MAGI2: variants seen among roughly 807,000 people sequenced by gnomAD.
MAGI2 encodes the protein membrane associated guanylate kinase, WW and PDZ domain containing 2.
MAGI2 carries 35 observed loss-of-function variants against 133.3 expected under a neutral mutation model. That is an observed-to-expected ratio of 0.26 (90% CI 0.20 to 0.35). The LOEUF is 0.35. MAGI2 is among the 10% of genes least tolerant of loss of function. The pLI is 1.00. For missense variants in MAGI2, 1,636 were observed against 1,863.4 expected (o/e 0.88, Z 2.25); for synonymous variants, 729 against 710.6 (o/e 1.03, Z -0.41).
intron 9 of MAGI2, among the ~76,000 whole-genome samples, chr7:78,341,276 G>C (rs1179068444): frequency 6.6e-6 from 1 of 152,116 alleles, no homozygotes. Flanking sequence ...CCTCTTCAGG[G>C]AGAACTATAA....
chr7:78,039,664 C>T (rs1045877365), intron 21 of MAGI2: 1 of 152,112 alleles, frequency 6.6e-6, no homozygotes, highest in Non-Finnish European at 1.5e-5. Context: ...ATTTTAGAGG[C>T]GGTTCTGTTG....
intron 2 of MAGI2, among the ~76,000 whole-genome samples, chr7:78,941,900 T>C (rs909845944): frequency 2.0e-5 from 3 of 152,080 alleles, no homozygotes; most frequent in African/African-American, 4.8e-5. Flanking sequence ...TCAAGCCTTA[T>C]CTTGGCATAA....
intron 1 of MAGI2, among the ~76,000 whole-genome samples, chr7:79,291,488 T>A (rs1836482003): frequency 6.6e-6 from 1 of 152,188 alleles, no homozygotes; most frequent in African/African-American, 2.4e-5. Context: ...GAGGAAATGC[T>A]AAACTGTTTT....
chr7:78,313,954 GAC>G (rs893854795), intron 9 of MAGI2, among the ~76,000 whole-genome samples: 1 of 152,072 alleles, frequency 6.6e-6, no homozygotes, highest in African/African-American at 2.4e-5. Context: ...TTAAAATGGA[GAC>G]ATGAATTAAC....
intron 6 of MAGI2, among the ~76,000 whole-genome samples, chr7:78,410,613 G>C (rs1029550467): frequency 6.6e-6 from 1 of 152,010 alleles, no homozygotes; most frequent in African/African-American, 2.4e-5. Context: ...GTACATAGTT[G>C]ATGAAGAAAT....
chr7:78,807,821 G>A (rs527440177), intron 2 of MAGI2, among the ~76,000 whole-genome samples: 3 of 151,922 alleles, frequency 2.0e-5, no homozygotes, highest in East Asian at 3.9e-4. Flanking sequence ...ATTGGATACC[G>A]TGCTTCAGGT....
intron 21 of MAGI2, among the ~76,000 whole-genome samples, chr7:78,036,075 T>G (rs1407327166): frequency 1.7e-5 from 2 of 116,546 alleles, no homozygotes; most frequent in Admixed American, 1.7e-4. Flanking sequence ...GTGTATTTTT[T>G]AAGGCATATT....
At chr7:79,391,042 AGAAATTATGATAT>A (rs1844565482) in intron 1 of MAGI2, among the ~76,000 whole-genome samples, 1 of 152,194 alleles carries the variant, frequency 6.6e-6, no homozygotes, top group African/African-American at 2.4e-5. Flanking sequence ...ATGTAGCTAC[AGAAATTATGATAT>A]ATTAATACTC....
At chr7:78,797,007 G>A (rs1480131681) in intron 2 of MAGI2, among the ~76,000 whole-genome samples, 1 of 152,080 alleles carries the variant, frequency 6.6e-6, no homozygotes, top group Admixed American at 6.6e-5. Context: ...ATGAAGAGAA[G>A]TTGGTTCATG....
At chr7:79,102,778 C>G (rs979625569) in intron 1 of MAGI2, among the ~76,000 whole-genome samples, 2 of 152,284 alleles carry the variant, frequency 1.3e-5, no homozygotes, top group African/African-American at 4.8e-5. Context: ...TTGCGATGAT[C>G]TTTTGATGTG....
chr7:78,828,805 G>T (rs1394368327), intron 2 of MAGI2, among the ~76,000 whole-genome samples: 4 of 152,008 alleles, frequency 2.6e-5, no homozygotes, highest in Admixed American at 1.3e-4. Context: ...TAAAATAAAA[G>T]ATTTATTTTT....
chr7:78,758,521 C>T (rs1336692832), intron 2 of MAGI2, among the ~76,000 whole-genome samples: 1 of 152,134 alleles, frequency 6.6e-6, no homozygotes, highest in Non-Finnish European at 1.5e-5. Context: ...TTTAGATGTA[C>T]TTCAGAAAAA....
chr7:79,349,298 G>C (rs1014763126), intron 1 of MAGI2, among the ~76,000 whole-genome samples: 2 of 151,894 alleles, frequency 1.3e-5, no homozygotes, highest in Non-Finnish European at 2.9e-5. Flanking sequence ...TCTTGCAAAT[G>C]TTGTTTTTGC....
intron 1 of MAGI2, among the ~76,000 whole-genome samples, chr7:79,219,179 T>G (rs569194902): frequency 2.6e-5 from 4 of 152,166 alleles, no homozygotes; most frequent in Admixed American, 2.0e-4. Context: ...TTATCATTAT[T>G]ATTGCTGCCA....
intron 4 of MAGI2, among the ~76,000 whole-genome samples, chr7:78,508,147 T>C (rs1003135412): frequency 2.0e-5 from 3 of 152,190 alleles, no homozygotes; most frequent in African/African-American, 7.2e-5. Context: ...CCAGTCATAC[T>C]GGATGAAGGG....
At chr7:79,368,421 T>C (rs1284946853) in intron 1 of MAGI2, among the ~76,000 whole-genome samples, 2 of 152,122 alleles carry the variant, frequency 1.3e-5, no homozygotes, top group Non-Finnish European at 2.9e-5. Flanking sequence ...ATCAATCAAG[T>C]CCTTTGCAAC....
chr7:78,535,115 G>A (rs554374101), intron 3 of MAGI2, among the ~76,000 whole-genome samples: 9 of 152,274 alleles, frequency 5.9e-5, no homozygotes, highest in African/African-American at 2.2e-4. Flanking sequence ...CTGGGTGACA[G>A]AGCGAGACTC....
intron 9 of MAGI2, among the ~76,000 whole-genome samples, chr7:78,281,897 AGG>A (rs1795634790): frequency 6.6e-6 from 1 of 151,460 alleles, no homozygotes; most frequent in South Asian, 2.1e-4. Flanking sequence ...AAAAAAAAAA[AGG>A]AGAAAACTTG....
At chr7:78,640,981 C>T (rs1236195560) in intron 2 of MAGI2, among the ~76,000 whole-genome samples, 3 of 152,114 alleles carry the variant, frequency 2.0e-5, no homozygotes, top group East Asian at 1.9e-4. Flanking sequence ...AGGGCAGTTT[C>T]CCCCATCCTG....
Sources: allele counts gnomAD v4.1 joint callset (sites outside exome capture counted in the v4.1 genomes callset), GRCh38; gene constraint gnomAD v4.1.1; transcripts MANE v1.5; gene names NCBI Gene and HGNC (gene_info 2026-07-23, HGNC 2026-07-21).